Variants in NAA11 observed in about 807,000 individuals in gnomAD.
NAA11 encodes N-alpha-acetyltransferase 11, NatA catalytic subunit, also known as N-alpha-acetyltransferase 11.
In NAA11, 15 loss-of-function variants were observed where a neutral mutation model predicts 16.1. That is an observed-to-expected ratio of 0.93 (90% CI 0.62 to 1.44). The LOEUF (loss-of-function observed/expected upper bound fraction) is 1.44, where lower values mean the gene tolerates loss of function less well. NAA11 is among the 40% of genes most tolerant of loss of function. NAA11 has a pLI of 0.00. For synonymous variants in NAA11, 122 were observed against 112.4 expected, an observed-to-expected ratio of 1.09 and a Z score of -0.54; for missense variants, 298 against 291.3, an observed-to-expected ratio of 1.02 and a Z score of -0.17.
the NAA11 span, among the ~76,000 whole-genome samples, chr4:79,168,194 A>G: frequency 6.6e-6 from 1 of 152,198 alleles, no homozygotes; most frequent in African/African-American, 2.4e-5. Flanking sequence ...TGTAAAGGAC[A>G]TGAACTCACC....
At chr4:79,174,901 G>A in the NAA11 span, among the ~76,000 whole-genome samples, 1 of 151,926 alleles carries the variant, frequency 6.6e-6, no homozygotes, top group African/African-American at 2.4e-5. Flanking sequence ...TTTTTCCTGA[G>A]CATGTAAGAA....
intron 1 of NAA11, among the ~76,000 whole-genome samples, chr4:79,323,376 T>C (rs949448870): frequency 6.6e-6 from 1 of 152,188 alleles, no homozygotes; most frequent in African/African-American, 2.4e-5. Flanking sequence ...TTCTTAGTAT[T>C]AGCATAAGTG....
At chr4:79,323,197 G>A (rs1368810635) in intron 1 of NAA11, among the ~76,000 whole-genome samples, 2 of 152,068 alleles carry the variant, frequency 1.3e-5, no homozygotes, top group African/African-American at 2.4e-5. Flanking sequence ...TACATGTAAG[G>A]GTAAGGTGAC....
intron 2 of NAA11, among the ~76,000 whole-genome samples, chr4:79,231,523 A>G (rs537033225): frequency 6.6e-6 from 1 of 151,944 alleles, no homozygotes; most frequent in Non-Finnish European, 1.5e-5. Context: ...CCAAAAAGGT[A>G]TTGGTCCTTT....
At chr4:79,232,478 T>C (rs1226982441) in intron 2 of NAA11, among the ~76,000 whole-genome samples, 1 of 151,928 alleles carries the variant, frequency 6.6e-6, no homozygotes, top group South Asian at 2.1e-4. Flanking sequence ...CACATAAAGC[T>C]TCATCCACAT....
At chr4:79,256,645 A>ATATATATATATATATATATATATAT (rs1722112473) in intron 2 of NAA11, among the ~76,000 whole-genome samples, 1 of 75,536 alleles carries the variant, frequency 1.3e-5, no homozygotes, top group African/African-American at 4.5e-5. Context: ...TATATATATA[A>ATATATATATATATATATATATATAT]ATATAAATAT....
the NAA11 span, among the ~76,000 whole-genome samples, chr4:79,202,521 T>TACACACACACAC: frequency 1.5e-5 from 2 of 135,212 alleles, no homozygotes; most frequent in African/African-American, 5.3e-5. Flanking sequence ...TAAACTTTTA[T>TACACACACACAC]ACACACACAC....
At chr4:79,248,281 C>A (rs1721890724) in intron 2 of NAA11, among the ~76,000 whole-genome samples, 1 of 152,074 alleles carries the variant, frequency 6.6e-6, no homozygotes, top group Non-Finnish European at 1.5e-5. Context: ...CCTGCACCTT[C>A]CCCCAACTGC....
At chr4:79,316,128 A>C (rs1201841807), downstream of NAA11, among the ~76,000 whole-genome samples, 1 of 152,190 alleles carries the variant, frequency 6.6e-6, no homozygotes, top group Non-Finnish European at 1.5e-5. Context: ...CCATCTGCTA[A>C]GCTGTTAACA....
intron 2 of NAA11, among the ~76,000 whole-genome samples, chr4:79,228,434 A>G (rs1721375610): frequency 6.6e-6 from 1 of 151,998 alleles, no homozygotes; most frequent in African/African-American, 2.4e-5. Context: ...TGTAACCATC[A>G]CCACAATCAA....
At chr4:79,214,377 T>C in the NAA11 span, among the ~76,000 whole-genome samples, 1 of 152,154 alleles carries the variant, frequency 6.6e-6, no homozygotes, top group Non-Finnish European at 1.5e-5. Flanking sequence ...CAAAAGGATG[T>C]AGTAGAAACT....
At chr4:79,309,533 C>T (rs1390528213) in intron 1 of NAA11, among the ~76,000 whole-genome samples, 2 of 151,930 alleles carry the variant, frequency 1.3e-5, no homozygotes, top group African/African-American at 4.8e-5. Context: ...ACCTGTGCCT[C>T]TTATTTTTAC....
intron 1 of NAA11, among the ~76,000 whole-genome samples, chr4:79,296,872 C>A (rs1723234804): frequency 6.6e-6 from 1 of 152,222 alleles, no homozygotes; most frequent in South Asian, 2.1e-4. Context: ...CCCATCTAAT[C>A]CCCATTTATG....
intron 1 of NAA11, among the ~76,000 whole-genome samples, chr4:79,320,430 T>C (rs180674723): frequency 4.5e-4 from 69 of 152,356 alleles, no homozygotes; most frequent in African/African-American, 1.7e-3. Flanking sequence ...CTTAGCAATT[T>C]ACATAGATTG....
chr4:79,291,415 A>T (rs1341200481), intron 2 of NAA11, among the ~76,000 whole-genome samples: 1 of 152,088 alleles, frequency 6.6e-6, no homozygotes, highest in African/African-American at 2.4e-5. Context: ...GTGAACTATG[A>T]TGGTGCCTGT....
the NAA11 span, among the ~76,000 whole-genome samples, chr4:79,157,427 T>A: frequency 2.6e-5 from 4 of 152,022 alleles, no homozygotes; most frequent in African/African-American, 9.7e-5. Flanking sequence ...GCCAATGCAA[T>A]TAATTTGTTC....
intron 1 of NAA11, among the ~76,000 whole-genome samples, chr4:79,323,152 G>T (rs1426662651): frequency 6.6e-6 from 1 of 152,100 alleles, no homozygotes; most frequent in Non-Finnish European, 1.5e-5. Flanking sequence ...CACTATTTAT[G>T]ACTAGACTTT....
downstream of NAA11, among the ~76,000 whole-genome samples, chr4:79,312,193 A>G (rs1161674446): frequency 1.3e-5 from 2 of 152,218 alleles, no homozygotes; most frequent in African/African-American, 4.8e-5. Flanking sequence ...TCTTTATAAC[A>G]TTTATTATTT....
chr4:79,303,449 G>A (rs1004905674), intron 1 of NAA11, among the ~76,000 whole-genome samples: 3 of 152,058 alleles, frequency 2.0e-5, no homozygotes, highest in Non-Finnish European at 4.4e-5. Context: ...CATTACACCC[G>A]CTCTTCCTGA....
Sources: gnomAD v4.1 joint callset for allele counts (sites outside exome capture counted in the v4.1 genomes callset) on GRCh38, gnomAD v4.1.1 for gene constraint, MANE v1.5 for transcripts, NCBI Gene and HGNC (gene_info 2026-07-23, HGNC 2026-07-21) for gene names.